Variants in ATP6V1E1 observed in about 807,000 individuals in gnomAD.
The protein encoded by ATP6V1E1 is V-type proton ATPase subunit E 1.
Under a neutral mutation model 35.2 loss-of-function variants are expected in ATP6V1E1, and 21 were observed. That is an observed-to-expected ratio of 0.60 (90% CI 0.42 to 0.86). ATP6V1E1 has a LOEUF of 0.86. Ranked by LOEUF, ATP6V1E1 falls within the 40% of genes least tolerant of loss-of-function variation. The probability of loss-of-function intolerance (pLI) is 0.00; values close to 1 mark genes in which losing one functional copy is unlikely to be tolerated. For missense variants in ATP6V1E1, 183 were observed against 272.6 expected, an observed-to-expected ratio of 0.67 and a Z score of 2.32; for synonymous variants, 83 against 87.8, an observed-to-expected ratio of 0.95 and a Z score of 0.30.
intron 1 of ATP6V1E1, among the ~76,000 whole-genome samples, chr22:17,627,349 G>A (rs560319627): frequency 1.7e-3 from 250 of 150,882 alleles, no homozygotes; most frequent in African/African-American, 5.7e-3. Flanking sequence ...GGCTCGTCTC[G>A]AACTCCTGAC....
Position 17,594,562 on chromosome 22 carries a change from G to C in ATP6V1E1, c.585C>G (p.Thr195=), listed in dbSNP as rs2146293571. 6.3e-7 allele frequency: 1 copy of C among 1,595,132 alleles called. No individual in the cohort carries two copies. Among genetic ancestry groups the C allele is most frequent in the Non-Finnish European group, 8.5e-7 (1 of 1,171,048 alleles). The part of the protein sequence containing the change: ...NGDRKIKVSN[T]LESRLDLIAQ... ...CTATGAGATCCAGCCGGCTTTCCAG[G>C]GTGTTGGAAACCTTTATTTTACGAT... The change falls in exon 8 of 9, where the codon ACC becomes ACG. Residue 195 remains threonine, a synonymous_variant. Transcript: ENST00000253413.
At position 17,613,325 on chromosome 22, in the gene ATP6V1E1, AG is replaced by A; in HGVS notation, c.100-6del. 2 of 1,609,168 alleles carry A rather than the reference AG, an allele frequency of 1.2e-6. No homozygotes were observed. The highest frequency in any genetic ancestry group is 8.5e-7 in the Non-Finnish European group (1 of 1,175,746). ...TATGTTGAACTCTTCTTCTGCCTAG[AG>A]GGAAATTAGTCAATATTAATTCATT... On this transcript the variant is annotated splice_region_variant and splice_polypyrimidine_tract_variant and intron_variant, in intron 2 of 8. Transcript: ENST00000253413.
chr22:17,602,979 C>T (rs941564050), intron 4 of ATP6V1E1, among the ~76,000 whole-genome samples: 1 of 151,462 alleles, frequency 6.6e-6, no homozygotes, highest in African/African-American at 2.4e-5. Flanking sequence ...ATTTTGAAGA[C>T]GGAGTCTCGC....
chr22:17,608,759 T>C lies in ATP6V1E1; in HGVS notation c.276+4053A>G, dbSNP rs558675846. Among the ~76,000 whole-genome samples the C allele has an allele frequency of 3.3e-4, 50 of 152,350 alleles. No individual in the cohort carries two copies. In the South Asian group the frequency reaches 9.7e-3, roughly 30 times the overall value. On this transcript the variant is annotated intron_variant, in intron 4 of 8. Coordinates refer to ENST00000253413, the MANE Select transcript of ATP6V1E1 (RefSeq NM_001696.4). ...TCTCTGAAAGAATATGATGGATTAC[T>C]GTATTTTGGAAAACTATCCTAAGTT...
rs1171206832 is a variant in ATP6V1E1, at chr22:17,612,815, G to A, written c.273C>T (p.Ile91=). The change falls in exon 4 of 9, where the codon ATC becomes ATT. Residue 91 remains isoleucine (I), a synonymous_variant. Transcript: ENST00000253413. ...LKVLRARDDL[I]TDLLNEAKQR... is the part of the protein sequence containing the mutation. ...CTAATAGGGGCTAATTACTCACTGTGATAAGGTCATCTCTTGCTCTGAGGA... is the reference window on the plus strand; with the variant it reads ...CTAATAGGGGCTAATTACTCACTGTAATAAGGTCATCTCTTGCTCTGAGGA... 14 of 1,597,086 alleles carry A rather than the reference G, an allele frequency of 8.8e-6. No individual in the cohort carries two copies. Among genetic ancestry groups the A allele is most frequent in the Non-Finnish European group, 1.2e-5 (14 of 1,175,124 alleles).
At chr22:17,627,986 T>G (rs1378328731) in intron 1 of ATP6V1E1, among the ~76,000 whole-genome samples, 2 of 144,706 alleles carry the variant, frequency 1.4e-5, no homozygotes, top group East Asian at 2.0e-4. Context: ...CTGGTTTGTT[T>G]TTTTTTTTTC....
chr22:17,611,206 A>G (rs988638562), intron 4 of ATP6V1E1, among the ~76,000 whole-genome samples: 5 of 152,074 alleles, frequency 3.3e-5, no homozygotes, highest in African/African-American at 1.2e-4. Context: ...AAGGAAATCA[A>G]CTCCTGATTA....
chr22:17,608,910 C>A (rs1051222221), intron 4 of ATP6V1E1, among the ~76,000 whole-genome samples: 2 of 152,034 alleles, frequency 1.3e-5, no homozygotes, highest in African/African-American at 4.8e-5. Context: ...CACGGTGAAA[C>A]CCTGTCTGTA....
intron 4 of ATP6V1E1, among the ~76,000 whole-genome samples, chr22:17,611,954 A>G (rs2057817676): frequency 6.6e-6 from 1 of 152,200 alleles, no homozygotes; most frequent in Non-Finnish European, 1.5e-5. Context: ...TAGTAATTTA[A>G]TAATTTTAGT....
At chr22:17,593,974 G>T (rs554561832) in intron 8 of ATP6V1E1, among the ~76,000 whole-genome samples, 1 of 152,162 alleles carries the variant, frequency 6.6e-6, no homozygotes, top group Non-Finnish European at 1.5e-5. Flanking sequence ...AGGCCAAGGC[G>T]GGTGGATCAC....
At chr22:17,609,554 G>C (rs9605334) in intron 4 of ATP6V1E1, among the ~76,000 whole-genome samples, 50,445 of 140,708 alleles carry the variant, frequency 0.36, 9,017 homozygotes, top group Middle Eastern at 0.43. Flanking sequence ...CTGCAAGCTC[G>C]GCCTCCTGGG....
chr22:17,620,011 C>T (rs1386445657), intron 1 of ATP6V1E1, among the ~76,000 whole-genome samples: 2 of 152,172 alleles, frequency 1.3e-5, no homozygotes, highest in African/African-American at 4.8e-5. Context: ...TTTCTCTCAA[C>T]ACTGCAGTCT....
At chr22:17,598,583 T>TC (rs779174564) in intron 6 of ATP6V1E1, among the ~76,000 whole-genome samples, 2 of 151,050 alleles carry the variant, frequency 1.3e-5, no homozygotes, top group African/African-American at 2.4e-5. Context: ...AGATACATTA[T>TC]TCCCCCAGCT....
intron 1 of ATP6V1E1, among the ~76,000 whole-genome samples, chr22:17,620,992 G>GCGAAGCTTGCAGTGAGC (rs2057873894): frequency 6.6e-6 from 1 of 152,062 alleles, no homozygotes; most frequent in Non-Finnish European, 1.5e-5. Context: ...AACCCGGGAG[G>GCGAAGCTTGCAGTGAGC]CGAAGCTTGC....
intron 4 of ATP6V1E1, among the ~76,000 whole-genome samples, chr22:17,607,946 G>T (rs2057794495): frequency 6.6e-6 from 1 of 152,102 alleles, no homozygotes; most frequent in Non-Finnish European, 1.5e-5. Context: ...TATGTGGCCT[G>T]TTCTCTGCCC....
At chr22:17,617,429 G>C (rs1182243750) in intron 2 of ATP6V1E1, among the ~76,000 whole-genome samples, 1 of 152,060 alleles carries the variant, frequency 6.6e-6, no homozygotes, top group Non-Finnish European at 1.5e-5. Flanking sequence ...GAGTAGCTGA[G>C]ACTGCAGGCG....
intron 1 of ATP6V1E1, among the ~76,000 whole-genome samples, chr22:17,621,744 T>G (rs776836089): frequency 3.9e-5 from 6 of 152,226 alleles, no homozygotes; most frequent in Non-Finnish European, 7.3e-5. Context: ...TGCTGTTCCT[T>G]CCATTTGGAA....
chr22:17,609,163 C>CTT (rs76589377), intron 4 of ATP6V1E1, among the ~76,000 whole-genome samples: 1 of 151,156 alleles, frequency 6.6e-6, no homozygotes. Context: ...ACTGCACTTC[C>CTT]TTTTTTTTCC....
intron 2 of ATP6V1E1, among the ~76,000 whole-genome samples, chr22:17,615,042 C>T (rs898716304): frequency 3.9e-5 from 6 of 152,208 alleles, no homozygotes; most frequent in African/African-American, 1.4e-4. Flanking sequence ...ATGGCTCACG[C>T]CTATAATCTC....
Sources: gnomAD v4.1 joint callset for allele counts (sites outside exome capture counted in the v4.1 genomes callset) on GRCh38, gnomAD v4.1.1 for gene constraint, MANE v1.5 for transcripts, NCBI Gene and HGNC (gene_info 2026-07-23, HGNC 2026-07-21) for gene names.